Variants in MAML2 observed in about 807,000 individuals in gnomAD.
MAML2 encodes the protein mastermind-like protein 2.
MAML2 carries 22 observed loss-of-function variants against 96.1 expected under a neutral mutation model. The ratio of observed to expected loss-of-function variants is 0.23; its 90% CI spans 0.16 to 0.33. MAML2 has a LOEUF of 0.33. Ranked by LOEUF, MAML2 falls within the 10% of genes least tolerant of loss-of-function variation. The pLI is 1.00. For missense variants in MAML2, 1,367 were observed against 1,392.4 expected (o/e 0.98, Z 0.29); for synonymous variants, 561 against 521.3 (o/e 1.08, Z -1.04).
At chr11:96,311,077 C>T (rs1257215842) in intron 1 of MAML2, among the ~76,000 whole-genome samples, 3 of 152,190 alleles carry the variant, frequency 2.0e-5, no homozygotes, top group Non-Finnish European at 2.9e-5. Flanking sequence ...CCATTTCATA[C>T]ATAAGGACAT....
intron 1 of MAML2, among the ~76,000 whole-genome samples, chr11:96,109,582 T>C (rs1860084943): frequency 6.6e-6 from 1 of 152,096 alleles, no homozygotes; most frequent in African/African-American, 2.4e-5. Context: ...ATTAATTCCA[T>C]GTGGGAAGTG....
At chr11:96,026,222 A>G (rs1448031861) in intron 2 of MAML2, among the ~76,000 whole-genome samples, 1 of 152,234 alleles carries the variant, frequency 6.6e-6, no homozygotes, top group Admixed American at 6.5e-5. Context: ...GTGTTCAAAG[A>G]AGAGGAATCA....
In MAML2 at chr11:96,287,227, A is replaced by G. The variant is rs1463026060; in HGVS notation, c.513+54156T>C. ...AAGTGAAAAGCAATAGCTCTCTTAA[A>G]TGTATTTGATTAATAACGTCTGCTA... On this transcript the variant is annotated intron_variant, in intron 1 of 4. Transcript: ENST00000524717. Among the ~76,000 whole-genome samples the G allele has an allele frequency of 2.0e-5, 3 of 152,232 alleles. 1 individual carries two copies. The highest frequency in any genetic ancestry group is 4.4e-5 in the Non-Finnish European group (3 of 68,040).
intron 2 of MAML2, among the ~76,000 whole-genome samples, chr11:96,074,557 A>G (rs1332441367): frequency 6.6e-6 from 1 of 152,206 alleles, no homozygotes; most frequent in Non-Finnish European, 1.5e-5. Context: ...GTCAGTCCAC[A>G]TTTTGTGCAG....
At chr11:96,338,578 C>A (rs1292279559) in intron 1 of MAML2, among the ~76,000 whole-genome samples, 3 of 152,214 alleles carry the variant, frequency 2.0e-5, no homozygotes, top group Non-Finnish European at 4.4e-5. Flanking sequence ...CTTCATTCAA[C>A]AAATATTACC....
chr11:96,330,796 T>G (rs1172280346), intron 1 of MAML2, among the ~76,000 whole-genome samples: 2 of 152,224 alleles, frequency 1.3e-5, no homozygotes, highest in Non-Finnish European at 2.9e-5. Context: ...CCAAGAGGGC[T>G]TCATAAAGGC....
chr11:96,281,577 G>A (rs1236566101), intron 1 of MAML2, among the ~76,000 whole-genome samples: 1 of 152,202 alleles, frequency 6.6e-6, no homozygotes, highest in Admixed American at 6.5e-5. Context: ...TAGCAGCCCT[G>A]GTTTTGAGAA....
chr11:95,990,989 C>T (rs541835284), intron 3 of MAML2, among the ~76,000 whole-genome samples: 11 of 151,806 alleles, frequency 7.2e-5, no homozygotes, highest in South Asian at 2.1e-4. Context: ...TGGCAAAAAT[C>T]GCAATCACTT....
At chr11:96,316,922 A>G (rs1033404862) in intron 1 of MAML2, among the ~76,000 whole-genome samples, 3 of 152,198 alleles carry the variant, frequency 2.0e-5, no homozygotes, top group Non-Finnish European at 4.4e-5. Context: ...TGGCACATAG[A>G]AGAGCAGATA....
Position 96,110,116 on chromosome 11 carries a change from C to T in MAML2, c.514-16599G>A, listed in dbSNP as rs534228826. On this transcript the variant is annotated intron_variant, in intron 1 of 4. Transcript: ENST00000524717. Reference sequence around the variant, plus strand: ...CACCTGCGATAGGGCAGAGCCATATCGGTGGCATCTGGCATTTGATTGTGA... The same window carrying T: ...CACCTGCGATAGGGCAGAGCCATATTGGTGGCATCTGGCATTTGATTGTGA... Among the ~76,000 whole-genome samples, 8 of 152,172 alleles carry T rather than the reference C, an allele frequency of 5.3e-5. No homozygotes were observed. In the South Asian group the frequency reaches 8.3e-4, roughly 16 times the overall value.
At chr11:96,170,385 A>G (rs991273050) in intron 1 of MAML2, among the ~76,000 whole-genome samples, 80 of 152,330 alleles carry the variant, frequency 5.3e-4, no homozygotes, top group African/African-American at 1.9e-3. Flanking sequence ...CCAGAGTACC[A>G]GTGTAATTAT....
rs2135813385 is a variant in MAML2, at chr11:96,093,260, C to T, written c.771G>A (p.Leu257=). 1 of 1,614,036 alleles carries T rather than the reference C, an allele frequency of 6.2e-7. No homozygotes were observed. Among genetic ancestry groups the T allele is most frequent in the Non-Finnish European group, 8.5e-7 (1 of 1,179,906 alleles). The change falls in exon 2 of 5, where the codon CTG becomes CTA. Residue 257 remains leucine (L), a synonymous_variant. Coordinates refer to ENST00000524717, the MANE Select transcript of MAML2 (RefSeq NM_032427.4). The part of the protein sequence containing the change: ...PSHTHSPGNG[L]FNMGLKEVKK... ...TTACCTCCTTTAAGCCCATGTTAAA[C>T]AGGCCATTGCCAGGAGAATGTGTAT...
rs377283996 is a variant in MAML2, at chr11:96,092,921, C to A, written c.1110G>T (p.Pro370=). The A allele has an allele frequency of 1.2e-6, 2 of 1,607,552 alleles. No individual in the cohort carries two copies. Among genetic ancestry groups the A allele is most frequent in the Non-Finnish European group, 8.5e-7 (1 of 1,176,572 alleles). The change falls in exon 2 of 5, where the codon CCG becomes CCT. Residue 370 remains proline, a synonymous_variant. Coordinates refer to ENST00000524717, the MANE Select transcript of MAML2 (RefSeq NM_032427.4). The surrounding 1 kb of genome is among the most constrained non-coding windows in gnomAD (Gnocchi z 4.1). The stretch of plus-strand genomic sequence containing the variant: ...AGCCTGAGGGGCCCTGAGTCAAGCC[C>A]GGTGAGTATTCACTTTTGATCACTA... ...EKIVIKSEYS[P]GLTQGPSGSP...
At chr11:96,240,708 G>A (rs1234587300) in intron 1 of MAML2, among the ~76,000 whole-genome samples, 2 of 151,866 alleles carry the variant, frequency 1.3e-5, no homozygotes, top group African/African-American at 2.4e-5. Flanking sequence ...AAGACCCACT[G>A]TTCCAAATAA....
At chr11:96,098,021 G>A (rs1859861376) in intron 1 of MAML2, among the ~76,000 whole-genome samples, 1 of 152,170 alleles carries the variant, frequency 6.6e-6, no homozygotes, top group African/African-American at 2.4e-5. Flanking sequence ...CCTCTACCTT[G>A]CCAAATGCTG....
intron 1 of MAML2, among the ~76,000 whole-genome samples, chr11:96,248,207 G>A (rs1367545568): frequency 6.7e-6 from 1 of 149,764 alleles, no homozygotes; most frequent in Non-Finnish European, 1.5e-5. Flanking sequence ...CCATCTCCTA[G>A]GTTCAAGCGA....
chr11:96,058,945 G>A (rs1257607913), intron 2 of MAML2, among the ~76,000 whole-genome samples: 1 of 152,194 alleles, frequency 6.6e-6, no homozygotes, highest in South Asian at 2.1e-4. Context: ...AGCTAGGCAT[G>A]GTGGTGCACA....
chr11:96,196,329 AGACAAG>A (rs1245497284), intron 1 of MAML2, among the ~76,000 whole-genome samples: 1 of 152,234 alleles, frequency 6.6e-6, no homozygotes, highest in African/African-American at 2.4e-5. Flanking sequence ...AGTCAGCTTC[AGACAAG>A]GACTCGGCTT....
At chr11:96,142,215 C>A (rs1860742874) in intron 1 of MAML2, among the ~76,000 whole-genome samples, 1 of 152,154 alleles carries the variant, frequency 6.6e-6, no homozygotes, top group Non-Finnish European at 1.5e-5. Context: ...GAAGAAATGA[C>A]TTCTATGTTG....
Sources: gnomAD v4.1 joint callset for allele counts (sites outside exome capture counted in the v4.1 genomes callset) on GRCh38, gnomAD v4.1.1 for gene constraint, Gnocchi (gnomAD v3.1) non-coding constraint, MANE v1.5 for transcripts, NCBI Gene and HGNC (gene_info 2026-07-23, HGNC 2026-07-21) for gene names.